PLA2G5: variants seen among roughly 807,000 people sequenced by gnomAD.
PLA2G5 encodes the protein Ca2+-dependent phospholipase A2.
Under a neutral mutation model 15.9 loss-of-function variants are expected in PLA2G5, and 12 were observed. The ratio of observed to expected loss-of-function variants is 0.76; its 90% CI spans 0.48 to 1.23. PLA2G5 has a LOEUF of 1.23. Among genes scored for constraint, PLA2G5 ranks in the 50% most tolerant of loss-of-function variants. The probability of loss-of-function intolerance (pLI) is 0.00; values close to 1 mark genes in which losing one functional copy is unlikely to be tolerated. For synonymous variants in PLA2G5, 71 were observed against 71.4 expected (o/e 0.99, Z 0.03); for missense variants, 169 against 177.1 (o/e 0.95, Z 0.26).
At chr1:20,078,284 C>T (rs528651640) in intron 1 of PLA2G5, among the ~76,000 whole-genome samples, 8 of 152,134 alleles carry the variant, frequency 5.3e-5, no homozygotes, top group South Asian at 4.2e-4. Context: ...TGGGGGATGA[C>T]GAAGGGCAGC....
intron 1 of PLA2G5, among the ~76,000 whole-genome samples, chr1:20,042,722 G>C (rs2013678584): frequency 6.6e-6 from 1 of 152,238 alleles, no homozygotes; most frequent in Middle Eastern, 3.4e-3. Context: ...GCCTAGGAAG[G>C]AAAGCAGCTG....
chr1:20,057,268 C>T (rs1353919220), intron 1 of PLA2G5, among the ~76,000 whole-genome samples: 1 of 149,828 alleles, frequency 6.7e-6, no homozygotes, highest in Non-Finnish European at 1.5e-5. Context: ...ACTTAATTTG[C>T]TCTCCTTTTT....
intron 2 of PLA2G5, 43 bp downstream of exon 2, chr1:20,084,913 T>C: frequency 1.4e-6 from 2 of 1,407,250 alleles, no homozygotes; most frequent in South Asian, 1.2e-5. Context: ...TTTTACCCCA[T>C]GGGAGTAACA....
chr1:20,033,803 T>C (rs2013098597), intron 1 of PLA2G5, among the ~76,000 whole-genome samples: 1 of 151,808 alleles, frequency 6.6e-6, no homozygotes, highest in Non-Finnish European at 1.5e-5. Flanking sequence ...AAGTGGTAGT[T>C]GATGGGGCAA....
intron 1 of PLA2G5, among the ~76,000 whole-genome samples, chr1:20,042,817 G>T (rs1163962229): frequency 6.6e-6 from 1 of 152,164 alleles, no homozygotes; most frequent in Non-Finnish European, 1.5e-5. Flanking sequence ...TAAGAATTAT[G>T]CTGAGATAGG....
At chr1:20,085,074 AG>A (rs2016218338) in intron 2 of PLA2G5, among the ~76,000 whole-genome samples, 1 of 152,130 alleles carries the variant, frequency 6.6e-6, no homozygotes, top group Admixed American at 6.5e-5. Context: ...TCCATGCGTA[AG>A]GCTGTGGCAG....
upstream of PLA2G5, chr1:20,068,822 T>C (rs2015188821): frequency 2.0e-6 from 1 of 500,338 alleles, no homozygotes. Context: ...ATTTGCAACA[T>C]ATATAGCAAA....
At chr1:20,066,079 C>T (rs2015010052), upstream of PLA2G5, 1 of 152,168 alleles carries the variant, frequency 6.6e-6, no homozygotes, top group Non-Finnish European at 1.5e-5. Context: ...TGTTCCACAT[C>T]CTTGGCAGCA....
intron 1 of PLA2G5, among the ~76,000 whole-genome samples, chr1:20,080,748 T>A (rs1036034048): frequency 5.9e-5 from 9 of 151,782 alleles, no homozygotes; most frequent in Non-Finnish European, 1.2e-4. Context: ...TAAAACCAGG[T>A]GGGCCCAGCC....
chr1:20,048,371 A>C (rs2014021960), intron 1 of PLA2G5, among the ~76,000 whole-genome samples: 1 of 152,318 alleles, frequency 6.6e-6, no homozygotes, highest in Non-Finnish European at 1.5e-5. Flanking sequence ...ACCAAATACT[A>C]TAAGGCATCA....
At chr1:20,084,012 TATA>T (rs2016164106) in intron 1 of PLA2G5, among the ~76,000 whole-genome samples, 1 of 151,930 alleles carries the variant, frequency 6.6e-6, no homozygotes, top group African/African-American at 2.4e-5. Context: ...ATAATGAATA[TATA>T]ATAATAAATC....
intron 1 of PLA2G5, among the ~76,000 whole-genome samples, chr1:20,044,352 A>T (rs1315083159): frequency 7.0e-6 from 1 of 141,882 alleles, no homozygotes; most frequent in Non-Finnish European, 1.6e-5. Context: ...GAAGGCAAGG[A>T]TGATTAATTC....
chr1:20,070,968 C>A (rs929938688), intron 1 of PLA2G5: 1 of 152,224 alleles, frequency 6.6e-6, no homozygotes, highest in African/African-American at 2.4e-5. Flanking sequence ...ATAGGGAGAT[C>A]TTTCTCCTCC....
intron 1 of PLA2G5, among the ~76,000 whole-genome samples, chr1:20,077,566 G>A (rs950714362): frequency 6.6e-6 from 1 of 152,182 alleles, no homozygotes; most frequent in Non-Finnish European, 1.5e-5. Context: ...TTACTGGAAA[G>A]ACATAATCAC....
At chr1:20,035,308 C>T (rs1557722152) in intron 1 of PLA2G5, among the ~76,000 whole-genome samples, 1 of 152,086 alleles carries the variant, frequency 6.6e-6, no homozygotes, top group Non-Finnish European at 1.5e-5. Flanking sequence ...CGGGGCATGG[C>T]CTGCTGCCTG....
chr1:20,046,473 T>G (rs1366717258), intron 1 of PLA2G5, among the ~76,000 whole-genome samples: 1 of 152,248 alleles, frequency 6.6e-6, no homozygotes, highest in East Asian at 1.9e-4. Context: ...TTTTACTTTT[T>G]TTCCACCCTA....
At chr1:20,072,901 G>A (rs1351632421) in intron 1 of PLA2G5, among the ~76,000 whole-genome samples, 1 of 152,180 alleles carries the variant, frequency 6.6e-6, no homozygotes, top group Non-Finnish European at 1.5e-5. Context: ...GAAACTTTTC[G>A]GTGCTTGCAC....
At position 20,041,298 on chromosome 1, in the gene PLA2G5, T is replaced by C. The variant is rs530039160; in HGVS notation, n.276+12589T>C. Among the ~76,000 whole-genome samples, 3 of 152,302 alleles carry C rather than the reference T, an allele frequency of 2.0e-5. No homozygotes were observed. In the South Asian group the frequency reaches 6.2e-4, roughly 32 times the overall value. On this transcript the variant is annotated intron_variant and non_coding_transcript_variant, in intron 1 of 6. Transcript: ENST00000460175. ...CTCCAGAGTGTCACCTGTGTCTGTG[T>C]GAAGAGACCACCAAACAGACTTTGT...
chr1:20,044,234 C>G (rs2013772349), intron 1 of PLA2G5, among the ~76,000 whole-genome samples: 1 of 152,146 alleles, frequency 6.6e-6, no homozygotes, highest in Non-Finnish European at 1.5e-5. Context: ...TTTTGAAGTT[C>G]TTGTGTGCTG....
Sources: gnomAD v4.1 joint callset for allele counts (sites outside exome capture counted in the v4.1 genomes callset) on GRCh38, gnomAD v4.1.1 for gene constraint, MANE v1.5 for transcripts, NCBI Gene and HGNC (gene_info 2026-07-23, HGNC 2026-07-21) for gene names.